DOCK8: variants seen among roughly 807,000 people sequenced by gnomAD.
The protein encoded by DOCK8 is dedicator of cytokinesis protein 8.
In DOCK8, 141 loss-of-function variants were observed where a neutral mutation model predicts 245.6. The observed-to-expected ratio is 0.57, with a 90% CI of 0.50 to 0.66. The LOEUF (loss-of-function observed/expected upper bound fraction) is 0.66. Among genes scored for constraint, DOCK8 ranks in the 30% least tolerant of loss-of-function variants. DOCK8 has a pLI of 0.00. For missense variants in DOCK8, 2,965 were observed against 2,603.4 expected (o/e 1.14, Z -3.02); for synonymous variants, 1,168 against 970.2 (o/e 1.20, Z -3.79).
At chr9:322,469 T>G (rs56388922) in intron 7 of DOCK8, among the ~76,000 whole-genome samples, 26,530 of 144,478 alleles carry the variant, frequency 0.18, 2,993 homozygotes, top group Admixed American at 0.2. Flanking sequence ...GCTCAAAACC[T>G]GACCGTGCCA....
chr9:286,328 G>C, intron 2 of DOCK8, 133 bp from the exon 3 acceptor site: 2 of 980,676 alleles, frequency 2.0e-6, no homozygotes, highest in South Asian at 1.6e-5. Flanking sequence ...CCTCCAAAGA[G>C]TCGCTCCGTT....
At chr9:221,488 A>G (rs559575132) in intron 1 of DOCK8, among the ~76,000 whole-genome samples, 2 of 152,264 alleles carry the variant, frequency 1.3e-5, no homozygotes, top group South Asian at 4.1e-4. Context: ...CATTGTGTTA[A>G]GTATTATAAA....
In DOCK8 at chr9:395,136, G is replaced by A. The variant is rs551520195; in HGVS notation, c.2971-1649G>A. On this transcript the variant is annotated intron_variant, in intron 24 of 47. Transcript: ENST00000432829. ...TGGGTCCAGTTCCCACCCTTCATTCGGGTCTTCTCACCAGGTGCATGCGGC... is the reference window on the plus strand; with the variant it reads ...TGGGTCCAGTTCCCACCCTTCATTCAGGTCTTCTCACCAGGTGCATGCGGC... Among the ~76,000 whole-genome samples the A allele has an allele frequency of 3.9e-5, 6 of 152,118 alleles. No individual in the cohort carries two copies. The South Asian group carries it at 6.2e-4, about 16-fold the overall frequency.
rs1240308884 is a variant in DOCK8, at chr9:342,303, T to C, written c.1679+1982T>C. Among the ~76,000 whole-genome samples the C allele has an allele frequency of 3.0e-3, 387 of 130,392 alleles. 2 individuals carry two copies. The highest frequency in any genetic ancestry group is 7.6e-3 in the African/African-American group (293 of 38,586). The allele number at this position is 130,392 out of a possible 152,430, so 85.5% of individuals were successfully genotyped here. A position where few individuals can be genotyped will look rare whatever the true frequency, so the allele number is the denominator to read the frequency against. Reference sequence around the variant, plus strand: ...TGATTTGTTTTTCTTTTTTCTTTTTTTTTTTTTTTTTGTTTGAGTATTACT... The same window carrying C: ...TGATTTGTTTTTCTTTTTTCTTTTTCTTTTTTTTTTTGTTTGAGTATTACT... On this transcript the variant is annotated intron_variant, in intron 14 of 47. Coordinates refer to ENST00000432829, the MANE Select transcript of DOCK8 (RefSeq NM_203447.4).
At chr9:363,916 A>G (rs2052852567) in intron 14 of DOCK8, among the ~76,000 whole-genome samples, 3 of 152,174 alleles carry the variant, frequency 2.0e-5, no homozygotes, top group African/African-American at 4.8e-5. Context: ...TGGCAGGGCT[A>G]CTACTGTTAT....
At chr9:311,364 C>T (rs2050104833) in intron 5 of DOCK8, among the ~76,000 whole-genome samples, 1 of 150,654 alleles carries the variant, frequency 6.6e-6, no homozygotes, top group Non-Finnish European at 1.5e-5. Context: ...CCTACCTAAA[C>T]CTCCCAAGTA....
chr9:440,342 C>T (rs1212478626), intron 40 of DOCK8, among the ~76,000 whole-genome samples: 2 of 152,156 alleles, frequency 1.3e-5, no homozygotes, highest in Admixed American at 1.3e-4. Flanking sequence ...AATAATCTCC[C>T]TCCTCCTTTA....
intron 33 of DOCK8, among the ~76,000 whole-genome samples, chr9:425,761 G>GA (rs375380501): frequency 0.38 from 38,263 of 100,850 alleles, 5,605 homozygotes; most frequent in East Asian, 0.53. Flanking sequence ...TGTCTCTAAG[G>GA]AAAAAAAAAA....
At chr9:338,411 A>G (rs1161663642) in intron 12 of DOCK8, among the ~76,000 whole-genome samples, 2 of 152,136 alleles carry the variant, frequency 1.3e-5, no homozygotes, top group Admixed American at 6.5e-5. Flanking sequence ...ACCCTTCCCA[A>G]TCTTATGACC....
At position 328,111 on chromosome 9, in the gene DOCK8, G is replaced by A. The variant is rs959364869; in HGVS notation, c.984G>A (p.Gln328=). 18 of 1,614,166 alleles carry A rather than the reference G, an allele frequency of 1.1e-5. No individual in the cohort carries two copies. The highest frequency in any genetic ancestry group is 1.5e-5 in the Non-Finnish European group (18 of 1,180,024). The change falls in exon 9 of 48, where the codon CAG becomes CAA. Residue 328 remains glutamine, a synonymous_variant. Transcript: ENST00000432829. The stretch of plus-strand genomic sequence containing the variant: ...CGCCTTCAGTGGCCGCATCAAGTCA[G>A]GCGAGATCTGCAGTCTTCTCAGTCA... The part of the protein sequence containing the change: ...AHTPSVAASS[Q]ARSAVFSVTY...
chr9:403,180 C>T (rs940603213), intron 26 of DOCK8, among the ~76,000 whole-genome samples: 2 of 152,226 alleles, frequency 1.3e-5, no homozygotes, highest in African/African-American at 4.8e-5. Flanking sequence ...TGAGCCACCA[C>T]ACCCAGCCTG....
At chr9:446,703 A>AT in intron 44 of DOCK8, 97 bp downstream of exon 44, 1 of 1,059,090 alleles carries the variant, frequency 9.4e-7, no homozygotes. Flanking sequence ...TGGACTGAAA[A>AT]CAAGGAGGGA....
At chr9:226,519 G>A (rs2046993677) in intron 1 of DOCK8, among the ~76,000 whole-genome samples, 1 of 152,146 alleles carries the variant, frequency 6.6e-6, no homozygotes, top group African/African-American at 2.4e-5. Flanking sequence ...AGATGACGAT[G>A]GCAAAACTAG....
chr9:391,437 A>G (rs1336829786), intron 24 of DOCK8, among the ~76,000 whole-genome samples: 1 of 152,152 alleles, frequency 6.6e-6, no homozygotes, highest in Non-Finnish European at 1.5e-5. Context: ...GGCCCAATTA[A>G]TATCTGTTGG....
intron 6 of DOCK8, among the ~76,000 whole-genome samples, chr9:315,105 A>G (rs996392070): frequency 6.6e-6 from 1 of 152,210 alleles, no homozygotes; most frequent in South Asian, 2.1e-4. Flanking sequence ...TCAGAAAAAA[A>G]GGCTAGGGGA....
intron 14 of DOCK8, among the ~76,000 whole-genome samples, chr9:347,256 C>T (rs1180133439): frequency 6.6e-6 from 1 of 152,148 alleles, no homozygotes; most frequent in Non-Finnish European, 1.5e-5. Context: ...GCAATCCCAG[C>T]ACTTTGGGAG....
At chr9:430,669 C>CAAA (rs60963121) in intron 36 of DOCK8, among the ~76,000 whole-genome samples, 2 of 137,146 alleles carry the variant, frequency 1.5e-5, no homozygotes, top group Non-Finnish European at 1.6e-5. Flanking sequence ...GACCCTGTCT[C>CAAA]AAAAAAAAAA....
intron 2 of DOCK8, among the ~76,000 whole-genome samples, chr9:286,029 A>G (rs1388424968): frequency 2.0e-5 from 3 of 152,242 alleles, no homozygotes; most frequent in Non-Finnish European, 2.9e-5. Flanking sequence ...CTAAACACTC[A>G]GCCAAGGAGT....
At chr9:377,267 C>A in intron 20 of DOCK8, 56 bp downstream of exon 20, 1 of 1,461,488 alleles carries the variant, frequency 6.8e-7, no homozygotes, top group African/African-American at 1.4e-5. Flanking sequence ...GCATTGCCTT[C>A]TTTAATGAAA....
Sources: gnomAD v4.1 joint callset for allele counts (sites outside exome capture counted in the v4.1 genomes callset) on GRCh38, gnomAD v4.1.1 for gene constraint, MANE v1.5 for transcripts, NCBI Gene and HGNC (gene_info 2026-07-23, HGNC 2026-07-21) for gene names.